Variants in SUPT3H observed in about 807,000 individuals in gnomAD.
The protein encoded by SUPT3H is SPT3 homolog, SAGA and STAGA complex component.
SUPT3H carries 44 observed loss-of-function variants against 44.3 expected under a neutral mutation model. The ratio of observed to expected loss-of-function variants is 0.99; its 90% CI spans 0.78 to 1.28. The LOEUF (loss-of-function observed/expected upper bound fraction) is 1.28, where lower values mean the gene tolerates loss of function less well. SUPT3H is among the 50% of genes most tolerant of loss of function. The pLI, the probability that SUPT3H is intolerant of heterozygous loss-of-function variation, is 0.00. For missense variants in SUPT3H, 380 were observed against 387.1 expected (o/e 0.98, Z 0.15); for synonymous variants, 124 against 125.6 (o/e 0.99, Z 0.09).
chr6:45,178,422 T>G lies in SUPT3H; in HGVS notation c.102-72416A>C, dbSNP rs188139348. On this transcript the variant is annotated intron_variant, in intron 2 of 10. Transcript: ENST00000371459. ...CCACCCAGATTCCTAAAGCAACTCC[T>G]GAGTGACCTACAAAGAGACTTAGAC... 2.1e-3 allele frequency among the ~76,000 whole-genome samples: 325 copies of G among 151,914 alleles called. 4 individuals are homozygous for G. The highest frequency in any genetic ancestry group is 7.5e-3 in the African/African-American group (311 of 41,398).
intron 2 of SUPT3H, among the ~76,000 whole-genome samples, chr6:45,356,260 T>C (rs1227064151): frequency 1.3e-5 from 2 of 152,118 alleles, no homozygotes; most frequent in Non-Finnish European, 2.9e-5. Flanking sequence ...AAAGATATAT[T>C]TGCAAAAGAT....
Position 44,853,831 on chromosome 6 carries a change from G to C in SUPT3H, c.913-23974C>G, listed in dbSNP as rs186970822. ...TTTATTATGCTGGTAAGAGTGATAA[G>C]AACTACTGAGAGTAGTTCTCTTCCT... is the stretch of plus-strand genomic sequence containing the variant. On this transcript the variant is annotated intron_variant, in intron 10 of 10. Coordinates refer to ENST00000371459, the MANE Select transcript of SUPT3H (RefSeq NM_003599.4). 8.5e-4 allele frequency among the ~76,000 whole-genome samples: 129 copies of C among 152,064 alleles called. 1 individual carries two copies. Among genetic ancestry groups the C allele is most frequent in the Admixed American group, 8.3e-3 (126 of 15,266 alleles).
At chr6:45,234,063 C>T (rs1040953756) in intron 2 of SUPT3H, among the ~76,000 whole-genome samples, 2 of 152,138 alleles carry the variant, frequency 1.3e-5, no homozygotes, top group African/African-American at 4.8e-5. Flanking sequence ...TCTAAACTGG[C>T]TCAATGTTAT....
In SUPT3H at chr6:45,287,398, G is replaced by A. The variant is rs544344414; in HGVS notation, c.101+77803C>T. On this transcript the variant is annotated intron_variant, in intron 2 of 10. Coordinates refer to ENST00000371459, the MANE Select transcript of SUPT3H (RefSeq NM_003599.4). ...CAGATAAACTGATAAACAAAATGCT[G>A]TATATCCATATAAGGCATTTAGCCT... 2.8e-4 allele frequency among the ~76,000 whole-genome samples: 43 copies of A among 152,216 alleles called. 1 individual carries two copies. The highest frequency in any genetic ancestry group is 2.7e-3 in the Admixed American group (41 of 15,284).
chr6:45,059,943 A>G (rs894553770), intron 3 of SUPT3H, among the ~76,000 whole-genome samples: 1 of 152,170 alleles, frequency 6.6e-6, no homozygotes, highest in African/African-American at 2.4e-5. Flanking sequence ...AGGAAATTAC[A>G]GAGGACATAA....
chr6:45,219,710 A>T (rs1188522771), intron 2 of SUPT3H, among the ~76,000 whole-genome samples: 1 of 152,140 alleles, frequency 6.6e-6, no homozygotes, highest in Non-Finnish European at 1.5e-5. Context: ...AAAATTCTCT[A>T]GGCCTAACTG....
At chr6:44,981,530 T>C (rs1465213054) in intron 6 of SUPT3H, among the ~76,000 whole-genome samples, 1 of 152,140 alleles carries the variant, frequency 6.6e-6, no homozygotes, top group Non-Finnish European at 1.5e-5. Flanking sequence ...AACCCAAATA[T>C]TTTGAAATAT....
chr6:45,069,754 T>C (rs1036491254), intron 3 of SUPT3H, among the ~76,000 whole-genome samples: 5 of 152,160 alleles, frequency 3.3e-5, no homozygotes, highest in African/African-American at 1.2e-4. Flanking sequence ...AGAACTCTTA[T>C]TTATTTATTT....
At chr6:44,813,762 C>A (rs1287030146) in intron 11 of SUPT3H, among the ~76,000 whole-genome samples, 3 of 146,610 alleles carry the variant, frequency 2.0e-5, no homozygotes, top group East Asian at 4.0e-4. Context: ...AAGGAAAGTT[C>A]AATAAATACA....
intron 10 of SUPT3H, among the ~76,000 whole-genome samples, chr6:44,847,086 T>C (rs905496671): frequency 1.3e-5 from 2 of 152,240 alleles, no homozygotes; most frequent in Non-Finnish European, 2.9e-5. Flanking sequence ...AAGGATGAGA[T>C]TGAATCCTTG....
chr6:45,371,612 A>G (rs1796085263), intron 1 of SUPT3H, among the ~76,000 whole-genome samples: 1 of 152,218 alleles, frequency 6.6e-6, no homozygotes, highest in Admixed American at 6.5e-5. Flanking sequence ...AAAGATCTCT[A>G]TCTCCTAAAA....
At chr6:45,254,973 T>C (rs1256375981) in intron 2 of SUPT3H, among the ~76,000 whole-genome samples, 1 of 152,238 alleles carries the variant, frequency 6.6e-6, no homozygotes, top group Admixed American at 6.5e-5. Flanking sequence ...TCAGCAGCTA[T>C]ATAGTTTATC....
chr6:44,861,865 G>A (rs1774719608), intron 10 of SUPT3H, among the ~76,000 whole-genome samples: 1 of 152,188 alleles, frequency 6.6e-6, no homozygotes, highest in Non-Finnish European at 1.5e-5. Flanking sequence ...CAACTGGGCA[G>A]TTCTGCTTTG....
intron 10 of SUPT3H, among the ~76,000 whole-genome samples, chr6:44,843,816 T>A (rs1581939676): frequency 6.6e-6 from 1 of 151,878 alleles, no homozygotes; most frequent in African/African-American, 2.4e-5. Flanking sequence ...ATAGAGTCGG[T>A]GTAATTCTTT....
intron 3 of SUPT3H, chr6:45,098,570 T>A: frequency 3.2e-6 from 1 of 315,512 alleles, no homozygotes; most frequent in Non-Finnish European, 6.2e-6. Context: ...CATGCAGACA[T>A]GAGAAGCCTA....
intron 2 of SUPT3H, among the ~76,000 whole-genome samples, chr6:45,327,645 T>A (rs1406817912): frequency 6.6e-6 from 1 of 152,014 alleles, no homozygotes; most frequent in East Asian, 1.9e-4. Context: ...ATTTAAAATT[T>A]GTAAAAGAAT....
At chr6:44,910,542 ATAC>A (rs1409302045) in intron 10 of SUPT3H, among the ~76,000 whole-genome samples, 1 of 152,232 alleles carries the variant, frequency 6.6e-6, no homozygotes, top group Admixed American at 6.5e-5. Context: ...AGTCACTGAA[ATAC>A]TTTTCTCTGA....
chr6:44,884,188 T>G (rs935656190), intron 10 of SUPT3H, among the ~76,000 whole-genome samples: 1 of 151,988 alleles, frequency 6.6e-6, no homozygotes. Context: ...CATCAAAAAG[T>G]GGGCGAAGGA....
At chr6:44,860,883 T>TA (rs1394888605) in intron 10 of SUPT3H, among the ~76,000 whole-genome samples, 2 of 152,130 alleles carry the variant, frequency 1.3e-5, no homozygotes, top group Admixed American at 6.5e-5. Context: ...GTGATATATA[T>TA]TTTTTTAATC....
Sources: allele counts gnomAD v4.1 joint callset (sites outside exome capture counted in the v4.1 genomes callset), GRCh38; gene constraint gnomAD v4.1.1; transcripts MANE v1.5; gene names NCBI Gene and HGNC (gene_info 2026-07-23, HGNC 2026-07-21).